EBF2: variants seen among roughly 807,000 people sequenced by gnomAD.
The protein encoded by EBF2 is EBF transcription factor 2, also known as transcription factor COE2.
EBF2 carries 21 observed loss-of-function variants against 72.8 expected under a neutral mutation model. That is an observed-to-expected ratio of 0.29 (90% CI 0.20 to 0.42). The LOEUF (loss-of-function observed/expected upper bound fraction) is 0.42. Among genes scored for constraint, EBF2 ranks in the 10% least tolerant of loss-of-function variants. The probability of loss-of-function intolerance (pLI) is 1.00; values close to 1 mark genes in which losing one functional copy is unlikely to be tolerated. For synonymous variants in EBF2, 299 were observed against 274.2 expected, an observed-to-expected ratio of 1.09 and a Z score of -0.89; for missense variants, 637 against 731.2, an observed-to-expected ratio of 0.87 and a Z score of 1.49.
At chr8:25,890,377 G>A (rs532066264) in intron 7 of EBF2, among the ~76,000 whole-genome samples, 6 of 152,332 alleles carry the variant, frequency 3.9e-5, no homozygotes, top group Admixed American at 1.3e-4. Flanking sequence ...TGGTGGCAGC[G>A]ATGCCTCGAC....
At chr8:25,922,576 C>T (rs1242117040) in intron 6 of EBF2, among the ~76,000 whole-genome samples, 3 of 152,144 alleles carry the variant, frequency 2.0e-5, no homozygotes, top group Non-Finnish European at 4.4e-5. Context: ...GAACAGATAT[C>T]ATTATTAAGT....
At chr8:25,847,391 T>C (rs1457422912) in intron 15 of EBF2, among the ~76,000 whole-genome samples, 1 of 152,222 alleles carries the variant, frequency 6.6e-6, no homozygotes, top group Non-Finnish European at 1.5e-5. Flanking sequence ...GTTCAGTGAC[T>C]GTGCATTAAA....
intron 7 of EBF2, among the ~76,000 whole-genome samples, chr8:25,897,449 A>G (rs1456955658): frequency 6.6e-6 from 1 of 152,116 alleles, no homozygotes; most frequent in African/African-American, 2.4e-5. Context: ...TGAGATATGA[A>G]TGATCCTGTC....
At chr8:26,018,129 TCC>T (rs1473912835) in intron 6 of EBF2, among the ~76,000 whole-genome samples, 1 of 150,722 alleles carries the variant, frequency 6.6e-6, no homozygotes, top group African/African-American at 2.4e-5. Context: ...TTTTTTTCTC[TCC>T]CTTCGCAGGA....
intron 6 of EBF2, among the ~76,000 whole-genome samples, chr8:25,923,638 C>T (rs1171951844): frequency 6.6e-6 from 1 of 152,098 alleles, no homozygotes; most frequent in Admixed American, 6.5e-5. Context: ...AAAGGTGTTC[C>T]TATCTCCCTG....
In EBF2 at chr8:25,909,958, T is replaced by C. The variant is rs969072554; in HGVS notation, c.552-1403A>G. On this transcript the variant is annotated intron_variant, in intron 6 of 15. Transcript: ENST00000520164. ...AACATCTGCTTTTCACTTCTCTCTT[T>C]CAATCTTTTATAGGGTGGGTGGGAG... is the stretch of plus-strand genomic sequence containing the variant. 2.6e-5 allele frequency among the ~76,000 whole-genome samples: 4 copies of C among 152,276 alleles called. No homozygotes were observed. In the South Asian group the frequency reaches 6.2e-4, roughly 24 times the overall value.
intron 13 of EBF2, among the ~76,000 whole-genome samples, chr8:25,859,153 G>T (rs1302830544): frequency 6.6e-6 from 1 of 152,202 alleles, no homozygotes; most frequent in Non-Finnish European, 1.5e-5. Context: ...TGGTGTCACT[G>T]AGAAAACATT....
intron 14 of EBF2, among the ~76,000 whole-genome samples, chr8:25,857,281 G>C (rs571473693): frequency 2.8e-4 from 43 of 151,964 alleles, no homozygotes; most frequent in Non-Finnish European, 5.4e-4. Context: ...TGTATGCATT[G>C]AACTGATAAT....
intron 6 of EBF2, among the ~76,000 whole-genome samples, chr8:25,985,398 G>A (rs1038286944): frequency 1.3e-5 from 2 of 152,146 alleles, no homozygotes; most frequent in African/African-American, 4.8e-5. Flanking sequence ...CAGAACCAAC[G>A]GTCTGGGGAA....
At chr8:25,940,402 G>A (rs1266630406) in intron 6 of EBF2, among the ~76,000 whole-genome samples, 2 of 152,118 alleles carry the variant, frequency 1.3e-5, no homozygotes, top group Non-Finnish European at 2.9e-5. Context: ...GTCAAGGCTG[G>A]AACTCAGGGC....
rs142698777 is a variant in EBF2, at chr8:25,887,771, G to A, written c.882+71C>T. The A allele has an allele frequency of 2.4e-5, 35 of 1,442,870 alleles. No homozygotes were observed. In the African/African-American group the frequency reaches 4.1e-4, roughly 17 times the overall value. The allele number at this position is 1,442,870 out of a possible 1,614,324, so 89.4% of individuals were successfully genotyped here. A position where few individuals can be genotyped will look rare whatever the true frequency, so the allele number is the denominator to read the frequency against. ...TTATGCTTTTTTACCCTTGGTGTTT[G>A]TGCTAGTTTCCCAGATCAAAACAAT... On this transcript the variant is annotated intron_variant, in intron 9 of 15. Transcript: ENST00000520164.
chr8:25,977,859 G>A (rs1418735350), intron 6 of EBF2, among the ~76,000 whole-genome samples: 7 of 152,222 alleles, frequency 4.6e-5, no homozygotes, highest in African/African-American at 1.4e-4. Context: ...GAGTACCTGA[G>A]GGAAGAAAGC....
chr8:25,848,531 G>C (rs992302943), intron 15 of EBF2, among the ~76,000 whole-genome samples: 8 of 152,142 alleles, frequency 5.3e-5, no homozygotes, highest in African/African-American at 1.9e-4. Flanking sequence ...AGCAGGAAGT[G>C]GGGTGGGGAT....
intron 10 of EBF2, among the ~76,000 whole-genome samples, chr8:25,875,314 A>T (rs926660614): frequency 7.2e-5 from 11 of 152,292 alleles, no homozygotes; most frequent in African/African-American, 2.4e-4. Flanking sequence ...ATGTAATTTT[A>T]TCTTTCTAAT....
At chr8:26,014,771 C>T (rs1805080662) in intron 6 of EBF2, among the ~76,000 whole-genome samples, 1 of 152,156 alleles carries the variant, frequency 6.6e-6, no homozygotes. Context: ...TATAGGTTGA[C>T]ATATTTCCCT....
Position 25,950,456 on chromosome 8 carries a change from T to C in EBF2, c.552-41901A>G, listed in dbSNP as rs1022006489. ...AATGCAGGGGCCCTCAGAATCTAAATGCTTCCATGCTCCTGAAAGTTCCTG... is the reference window on the plus strand; with the variant it reads ...AATGCAGGGGCCCTCAGAATCTAAACGCTTCCATGCTCCTGAAAGTTCCTG... On this transcript the variant is annotated intron_variant, in intron 6 of 15. Transcript: ENST00000520164. Among the ~76,000 whole-genome samples the C allele has an allele frequency of 3.9e-5, 6 of 152,212 alleles. No individual in the cohort carries two copies. The East Asian group carries it at 5.8e-4, about 15-fold the overall frequency.
intron 2 of EBF2, among the ~76,000 whole-genome samples, chr8:26,041,686 C>T (rs1439311573): frequency 6.6e-6 from 1 of 152,198 alleles, no homozygotes; most frequent in Non-Finnish European, 1.5e-5. Flanking sequence ...AGAAGGCAGG[C>T]CAAGGCTGGG....
Position 26,040,117 on chromosome 8 carries a change from T to A in EBF2, c.409-16A>T, listed in dbSNP as rs1362888717. On this transcript the variant is annotated splice_polypyrimidine_tract_variant and intron_variant, in intron 4 of 15. Transcript: ENST00000520164. ...AAGCGATGGGCTGTGAAGGAGGTAGTGGCAGGAAAGGAAGATGTGGAGAGG... is the reference window on the plus strand; with the variant it reads ...AAGCGATGGGCTGTGAAGGAGGTAGAGGCAGGAAAGGAAGATGTGGAGAGG... 2 of 1,611,892 alleles carry A rather than the reference T, an allele frequency of 1.2e-6. No individual in the cohort carries two copies. Among genetic ancestry groups the A allele is most frequent in the African/African-American group, 1.3e-5 (1 of 74,788 alleles).
At chr8:25,946,972 C>T (rs1421953820) in intron 6 of EBF2, among the ~76,000 whole-genome samples, 1 of 152,136 alleles carries the variant, frequency 6.6e-6, no homozygotes, top group Admixed American at 6.5e-5. Flanking sequence ...AACAAATATC[C>T]CTAATACAAT....
Sources: allele counts gnomAD v4.1 joint callset (sites outside exome capture counted in the v4.1 genomes callset), GRCh38; gene constraint gnomAD v4.1.1; transcripts MANE v1.5; gene names NCBI Gene and HGNC (gene_info 2026-07-23, HGNC 2026-07-21).